Variants in JADE3 observed in about 807,000 individuals in gnomAD.
The protein encoded by JADE3 is jade family PHD finger 3, also known as protein Jade-3.
In JADE3, 2 loss-of-function variants were observed where a neutral mutation model predicts 50.1. The observed-to-expected ratio is 0.04, with a 90% CI of 0.02 to 0.13. The LOEUF (loss-of-function observed/expected upper bound fraction) is 0.13. Ranked by LOEUF, JADE3 falls within the 10% of genes least tolerant of loss-of-function variation. The pLI is 1.00. For synonymous variants in JADE3, 218 were observed against 232.9 expected, an observed-to-expected ratio of 0.94 and a Z score of 0.58; for missense variants, 475 against 634.4, an observed-to-expected ratio of 0.75 and a Z score of 2.70.
At chrX:46,917,820 T>TCTCA (rs1377003488) in intron 1 of JADE3, among the ~76,000 whole-genome samples, 1 of 83,566 alleles carries the variant, frequency 1.2e-5, no homozygotes. Flanking sequence ...TCTCTCTCTC[T>TCTCA]CACTCTCTCT....
chrX:47,042,311 A>G (rs1929278669), intron 8 of JADE3, among the ~76,000 whole-genome samples: 1 of 111,868 alleles, frequency 8.9e-6, no homozygotes, highest in South Asian at 3.7e-4. Context: ...CTGATGTACC[A>G]CATTCTGCCA....
At chrX:46,960,913 A>T (rs1164285637) in intron 1 of JADE3, among the ~76,000 whole-genome samples, 2 of 110,979 alleles carry the variant, frequency 1.8e-5, no homozygotes, top group African/African-American at 6.6e-5. Context: ...GAGCAGTCAG[A>T]TTTCACCCTA....
At chrX:47,024,024 A>G (rs1928853647) in intron 4 of JADE3, among the ~76,000 whole-genome samples, 1 of 112,857 alleles carries the variant, frequency 8.9e-6, no homozygotes. Flanking sequence ...ACCACCATCC[A>G]GTATTGTCTC....
Position 46,923,693 on chromosome X carries a change from G to T in JADE3, c.-12+10974G>T, listed in dbSNP as rs181581731. Among the ~76,000 whole-genome samples the T allele has an allele frequency of 4.5e-5, 5 of 110,165 alleles. No homozygotes were observed. In the East Asian group the frequency reaches 1.1e-3, roughly 25 times the overall value. On this transcript the variant is annotated intron_variant, in intron 1 of 10. Transcript: ENST00000614628. The stretch of plus-strand genomic sequence containing the variant: ...GCTTCCCAAAGTGCTGAGATTACAG[G>T]CATGAGCCACTGTGCTCCACCAGGC...
intron 4 of JADE3, among the ~76,000 whole-genome samples, chrX:47,018,844 G>A (rs1928733430): frequency 9.0e-6 from 1 of 111,356 alleles, no homozygotes; most frequent in African/African-American, 3.3e-5. Context: ...GCCTCATCAA[G>A]GAAGACAAAG....
chrX:47,011,095 C>T (rs1164938771), intron 4 of JADE3, among the ~76,000 whole-genome samples: 1 of 111,761 alleles, frequency 8.9e-6, no homozygotes, highest in African/African-American at 3.3e-5. Context: ...TACTTATAGG[C>T]CCTGTCTCCA....
intron 3 of JADE3, among the ~76,000 whole-genome samples, chrX:46,987,155 T>C (rs1343478299): frequency 2.7e-5 from 3 of 112,331 alleles, no homozygotes; most frequent in African/African-American, 9.7e-5. Flanking sequence ...GCTGAAGGAC[T>C]GAGGTTTCTG....
chrX:47,002,806 T>C (rs1928316866), intron 4 of JADE3, among the ~76,000 whole-genome samples: 1 of 111,770 alleles, frequency 8.9e-6, no homozygotes, highest in African/African-American at 3.2e-5. Flanking sequence ...CTTGCCTTAT[T>C]CTAGTAGCTA....
chrX:46,969,953 A>G (rs1386921444), intron 1 of JADE3, among the ~76,000 whole-genome samples: 1 of 112,618 alleles, frequency 8.9e-6, no homozygotes, highest in Non-Finnish European at 1.9e-5. Flanking sequence ...CACTTTAACT[A>G]GAAAAAGAAG....
Position 47,042,631 on chromosome X carries a change from G to A in JADE3, c.972+3566G>A, listed in dbSNP as rs1222425767. Among the ~76,000 whole-genome samples the A allele has an allele frequency of 7.1e-5, 8 of 111,922 alleles. No homozygotes were observed. In the East Asian group the frequency reaches 2.2e-3, roughly 31 times the overall value. ...ACTCCTCTGCATGAGGAAAGGGGAG[G>A]AAACGTAGAAAGGACTTTGTCATAC... On this transcript the variant is annotated intron_variant, in intron 8 of 10. Transcript: ENST00000614628.
intron 4 of JADE3, among the ~76,000 whole-genome samples, chrX:47,020,745 G>T (rs1355544765): frequency 1.8e-5 from 2 of 112,256 alleles, no homozygotes; most frequent in Non-Finnish European, 1.9e-5. Flanking sequence ...TATCCACACA[G>T]AAAAGTACAC....
chrX:46,948,330 T>C (rs1191774631), intron 1 of JADE3, among the ~76,000 whole-genome samples: 7 of 112,398 alleles, frequency 6.2e-5, no homozygotes, highest in Non-Finnish European at 1.3e-4. Flanking sequence ...ATTATGTGGA[T>C]AAATAAACTA....
intron 8 of JADE3, among the ~76,000 whole-genome samples, chrX:47,050,906 C>T (rs1929490207): frequency 2.7e-5 from 3 of 112,307 alleles, no homozygotes; most frequent in South Asian, 3.6e-4. Flanking sequence ...GTTTTTCAAA[C>T]GTCTGACTAG....
chrX:46,918,269 G>T (rs1378170259), intron 1 of JADE3, among the ~76,000 whole-genome samples: 2 of 111,899 alleles, frequency 1.8e-5, no homozygotes, highest in Non-Finnish European at 3.8e-5. Context: ...TTGTTGTTCA[G>T]TGTTAGAAAT....
intron 3 of JADE3, among the ~76,000 whole-genome samples, chrX:46,986,442 A>G (rs782790985): frequency 8.9e-6 from 1 of 112,547 alleles, no homozygotes; most frequent in East Asian, 2.8e-4. Flanking sequence ...GATTTCAATC[A>G]TCTTCACACT....
intron 4 of JADE3, among the ~76,000 whole-genome samples, chrX:47,002,826 G>A: frequency 9.0e-6 from 1 of 111,014 alleles, no homozygotes; most frequent in East Asian, 2.8e-4. Context: ...AAAATGTCTT[G>A]TAGTATGTCA....
intron 1 of JADE3, among the ~76,000 whole-genome samples, chrX:46,978,105 A>G (rs781819266): frequency 8.9e-6 from 1 of 112,064 alleles, no homozygotes; most frequent in Non-Finnish European, 1.9e-5. Context: ...AGGGCTGACC[A>G]TGTAAAGCAG....
intron 1 of JADE3, among the ~76,000 whole-genome samples, chrX:46,926,021 A>AATTTTATTTT (rs201354375): frequency 0.044 from 3,490 of 80,053 alleles, 327 homozygotes; most frequent in African/African-American, 0.16. Flanking sequence ...ATGCCCAGCT[A>AATTTTATTTT]ATTTTATTTT....
chrX:46,999,346 A>G (rs1293848739), intron 4 of JADE3, among the ~76,000 whole-genome samples: 1 of 106,833 alleles, frequency 9.4e-6, no homozygotes, highest in African/African-American at 3.4e-5. Context: ...AGGTTCCAAT[A>G]CACAAACTTT....
Sources: gnomAD v4.1 joint callset for allele counts (sites outside exome capture counted in the v4.1 genomes callset) on GRCh38, gnomAD v4.1.1 for gene constraint, MANE v1.5 for transcripts, NCBI Gene and HGNC (gene_info 2026-07-23, HGNC 2026-07-21) for gene names.